Variants in POLA1 observed in about 807,000 individuals in gnomAD.
POLA1 encodes the protein DNA polymerase alpha 1, catalytic subunit.
A neutral mutation model predicts 124.0 loss-of-function variants in POLA1; 15 were observed. The observed-to-expected ratio is 0.12, with a 90% CI of 0.08 to 0.19. The LOEUF (loss-of-function observed/expected upper bound fraction) is 0.19, where lower values mean the gene tolerates loss of function less well. POLA1 is among the 10% of genes least tolerant of loss of function. POLA1 has a pLI of 1.00. For missense variants in POLA1, 886 were observed against 1,103.4 expected (o/e 0.80, Z 2.79); for synonymous variants, 408 against 389.4 (o/e 1.05, Z -0.56).
intron 34 of POLA1, among the ~76,000 whole-genome samples, chrX:24,862,065 G>T (rs1368478613): frequency 1.8e-5 from 2 of 111,522 alleles, no homozygotes. Context: ...CAGCAAAATT[G>T]TTGTATCTTC....
chrX:24,709,535 C>T (rs1929192806), intron 4 of POLA1, among the ~76,000 whole-genome samples: 1 of 107,898 alleles, frequency 9.3e-6, no homozygotes, highest in South Asian at 4.1e-4. Flanking sequence ...CGGGCGGAGA[C>T]GCTCCTCACT....
chrX:24,907,564 G>A (rs112132571), intron 35 of POLA1, among the ~76,000 whole-genome samples: 4,422 of 111,968 alleles, frequency 0.039, 210 homozygotes, highest in African/African-American at 0.13. Flanking sequence ...AAACCCTGGA[G>A]CCAGAGGAAG....
intron 26 of POLA1, among the ~76,000 whole-genome samples, chrX:24,771,048 T>C (rs56094132): frequency 0.024 from 2,632 of 111,576 alleles, 43 homozygotes; most frequent in Middle Eastern, 0.068. Context: ...TTCCATCTCC[T>C]AGTGAGATGC....
At chrX:24,989,986 A>G (rs1304259073) in intron 36 of POLA1, among the ~76,000 whole-genome samples, 1 of 111,943 alleles carries the variant, frequency 8.9e-6, no homozygotes, top group Non-Finnish European at 1.9e-5. Flanking sequence ...TAAGGCGTAC[A>G]ATACTCTTGT....
rs1360431125 is a variant in POLA1 at position 24,811,607 on chromosome X, A to G, written c.3090+807A>G. On this transcript the variant is annotated intron_variant, in intron 28 of 36. Transcript: ENST00000379068. ...TGGCCCCCTCTTGTTTTTAATTCCT[A>G]TTCCAGCTGTTTGTTTCGAGGGTGA... Among the ~76,000 whole-genome samples, 14 of 100,471 alleles carry G rather than the reference A, an allele frequency of 1.4e-4. No individual in the cohort carries two copies. The Admixed American group carries it at 1.5e-3, about 11-fold the overall frequency. 87.2% of individuals were successfully genotyped at this position (100,471 alleles called of 115,157 possible). A position where few individuals can be genotyped will look rare whatever the true frequency, so the allele number is the denominator to read the frequency against.
At chrX:24,760,784 C>T (rs1318655275) in intron 26 of POLA1, among the ~76,000 whole-genome samples, 5 of 111,364 alleles carry the variant, frequency 4.5e-5, no homozygotes, top group African/African-American at 1.3e-4. Context: ...TTTTGGAAGG[C>T]GGGGAGAAGA....
At chrX:24,930,985 G>A (rs1423046763) in intron 36 of POLA1, among the ~76,000 whole-genome samples, 1 of 111,257 alleles carries the variant, frequency 9.0e-6, no homozygotes, top group East Asian at 2.8e-4. Flanking sequence ...GAGGGATGAG[G>A]TGGAGTTCCT....
chrX:24,961,491 C>T (rs1440051237), intron 36 of POLA1, among the ~76,000 whole-genome samples: 2 of 111,456 alleles, frequency 1.8e-5, no homozygotes, highest in Non-Finnish European at 3.8e-5. Flanking sequence ...GGTACTTTCC[C>T]GTTGTTCTTA....
intron 35 of POLA1, among the ~76,000 whole-genome samples, chrX:24,891,284 AT>A (rs1410007454): frequency 3.6e-4 from 40 of 111,378 alleles, no homozygotes; most frequent in African/African-American, 1.2e-3. Flanking sequence ...GCTTTCATAG[AT>A]TAGCTCCTCT....
chrX:24,764,551 C>T (rs1932856479), intron 26 of POLA1, among the ~76,000 whole-genome samples: 1 of 111,950 alleles, frequency 8.9e-6, no homozygotes. Context: ...TTCTTAGGAG[C>T]TTGATATTCA....
intron 6 of POLA1, among the ~76,000 whole-genome samples, chrX:24,715,628 AC>A (rs1314902718): frequency 8.9e-6 from 1 of 111,968 alleles, no homozygotes; most frequent in Non-Finnish European, 1.9e-5. Context: ...AAGAACGCCA[AC>A]AAAAAACCCC....
intron 29 of POLA1, among the ~76,000 whole-genome samples, chrX:24,814,678 A>C (rs890733059): frequency 8.9e-6 from 1 of 111,999 alleles, no homozygotes; most frequent in African/African-American, 3.2e-5. Flanking sequence ...GCATAAAAAT[A>C]TAATGGAACA....
chrX:24,841,661 C>T lies in POLA1; in HGVS notation c.3746C>T (p.Pro1249Leu), dbSNP rs140910158. 3.6e-5 allele frequency: 42 copies of T among 1,162,572 alleles called. 1 individual carries two copies. The African/African-American group carries it at 6.2e-4, about 17-fold the overall frequency. Reference sequence around the variant, plus strand: ...TCTTTTACATTAATAGGACTTGACCCCACCCAATTTAGAGTTCATCATTAT... The same window carrying T: ...TCTTTTACATTAATAGGACTTGACCTCACCCAATTTAGAGTTCATCATTAT... ...VLIATWLGLD[P>L]TQFRVHHYHK... The change falls in exon 33 of 37, where the codon CCC (proline) becomes CTC (leucine). Residue 1249 changes from proline (P) to leucine (L), a missense_variant. Physicochemically the swap from Pro to Leu is moderately conservative, Grantham distance 98. Coordinates refer to ENST00000379068, the MANE Select transcript of POLA1 (RefSeq NM_001330360.2).
intron 36 of POLA1, among the ~76,000 whole-genome samples, chrX:24,963,756 A>T (rs1406733155): frequency 8.9e-6 from 1 of 111,776 alleles, no homozygotes; most frequent in Non-Finnish European, 1.9e-5. Flanking sequence ...AGAATGTTTT[A>T]AAAAATTCCT....
At chrX:24,927,826 C>T (rs1034884749) in intron 35 of POLA1, among the ~76,000 whole-genome samples, 1 of 111,914 alleles carries the variant, frequency 8.9e-6, no homozygotes, top group African/African-American at 3.2e-5. Flanking sequence ...AGGAAAAAAA[C>T]GCTGAAGATC....
At chrX:24,714,492 C>T (rs1439968036) in intron 4 of POLA1, 62 bp from the exon 5 acceptor site, 3 of 650,570 alleles carry the variant, frequency 4.6e-6, no homozygotes, top group Non-Finnish European at 7.3e-6. Flanking sequence ...AGTGACTAGG[C>T]TTTTAGTTTT....
rs1290252965 is a variant in POLA1, at chrX:24,717,689, G to A, written c.1018G>A (p.Gly340Arg). 17 of 1,206,290 alleles carry A rather than the reference G, an allele frequency of 1.4e-5. No individual in the cohort carries two copies. The highest frequency in any genetic ancestry group is 1.8e-5 in the African/African-American group (1 of 57,035). Reference sequence around the variant, plus strand: ...TTCCAGTCACCTCCCATTGGTAAAAGGGGCAGATGAGGAACAAGTATTCCA... The same window carrying A: ...TTCCAGTCACCTCCCATTGGTAAAAAGGGCAGATGAGGAACAAGTATTCCA... Reference protein sequence around the residue: ...VDSSHLPLVKGADEEQVFHFY... With the variant: ...VDSSHLPLVKRADEEQVFHFY... The change falls in exon 10 of 37, where the codon GGG (glycine) becomes AGG (arginine). Residue 340 changes from glycine to arginine, a missense_variant. Gly to Arg is a moderately radical substitution (Grantham distance 125). Around this residue, in one of 7 missense-constraint regions of POLA1, gnomAD observed 337 missense variants for 402.8 expected, o/e 0.84. Coordinates refer to ENST00000379068, the MANE Select transcript of POLA1 (RefSeq NM_001330360.2).
chrX:24,792,180 C>T (rs1458089440), intron 26 of POLA1, among the ~76,000 whole-genome samples: 2 of 110,861 alleles, frequency 1.8e-5, no homozygotes, highest in Non-Finnish European at 3.8e-5. Context: ...TTCATTACCT[C>T]TTTTTTTTCA....
chrX:24,871,314 G>A (rs905654364), intron 34 of POLA1, among the ~76,000 whole-genome samples: 1 of 111,779 alleles, frequency 8.9e-6, no homozygotes, highest in Non-Finnish European at 1.9e-5. Context: ...CTTGGTCTGG[G>A]GTAAAGACCA....
Sources: allele counts gnomAD v4.1 joint callset (sites outside exome capture counted in the v4.1 genomes callset), GRCh38; gene constraint gnomAD v4.1.1; regional missense constraint gnomAD v4.1.1; transcripts MANE v1.5; gene names NCBI Gene and HGNC (gene_info 2026-07-23, HGNC 2026-07-21).